NTRK2: variants seen among roughly 807,000 people sequenced by gnomAD.
NTRK2 encodes BDNF/NT-3 growth factors receptor.
NTRK2 carries 13 observed loss-of-function variants against 94.5 expected under a neutral mutation model. The ratio of observed to expected loss-of-function variants is 0.14; its 90% confidence interval spans 0.09 to 0.22. NTRK2 has a LOEUF of 0.22. Among genes scored for constraint, NTRK2 ranks in the 10% least tolerant of loss-of-function variants. The pLI is 1.00. For missense variants in NTRK2, 639 were observed against 1,071.2 expected (o/e 0.60, Z 5.63); for synonymous variants, 372 against 407.4 (o/e 0.91, Z 1.05).
chr9:84,959,086 TCTC>T (rs1470181806), intron 17 of NTRK2, among the ~76,000 whole-genome samples: 11 of 152,204 alleles, frequency 7.2e-5, no homozygotes, highest in Admixed American at 6.5e-4. Flanking sequence ...GGTAATGTGT[TCTC>T]CTTATGATTC....
intron 14 of NTRK2, among the ~76,000 whole-genome samples, chr9:84,916,777 G>T (rs1564461456): frequency 6.6e-6 from 1 of 152,194 alleles, no homozygotes; most frequent in Non-Finnish European, 1.5e-5. Context: ...TGCATATTAA[G>T]ATCCTAGGCT....
chr9:84,810,662 T>C, intron 12 of NTRK2: 1 of 1,609,586 alleles, frequency 6.2e-7, no homozygotes, highest in East Asian at 2.2e-5. Flanking sequence ...CTGGGACTGC[T>C]GTTGGCTTAT....
intron 14 of NTRK2, chr9:84,876,912 T>C: frequency 6.6e-6 from 7 of 1,061,532 alleles, no homozygotes; most frequent in Non-Finnish European, 8.0e-6. Flanking sequence ...ACATGTGAGA[T>C]TTTTGATTTC....
At chr9:84,699,656 T>A (rs1038054773) in intron 2 of NTRK2, among the ~76,000 whole-genome samples, 2 of 148,364 alleles carry the variant, frequency 1.3e-5, no homozygotes, top group African/African-American at 4.9e-5. Flanking sequence ...ATTAAGCTTA[T>A]GTGTGTGTTT....
chr9:84,883,516 A>T (rs1330642793), intron 14 of NTRK2, among the ~76,000 whole-genome samples: 2 of 152,204 alleles, frequency 1.3e-5, no homozygotes, highest in Non-Finnish European at 2.9e-5. Context: ...CATTCTAATG[A>T]CAAGCGCAAT....
At chr9:84,684,043 G>GT (rs35529520) in intron 2 of NTRK2, among the ~76,000 whole-genome samples, 85,861 of 150,892 alleles carry the variant, frequency 0.57, 24,467 homozygotes, top group Admixed American at 0.62. Flanking sequence ...TTTTTTATGG[G>GT]TTTTTTTTTC....
intron 9 of NTRK2, among the ~76,000 whole-genome samples, chr9:84,734,387 C>G (rs1437145497): frequency 6.6e-6 from 1 of 152,174 alleles, no homozygotes; most frequent in Non-Finnish European, 1.5e-5. Context: ...CCCAGAAATG[C>G]TTTTATCTCA....
chr9:84,677,972 A>G (rs1187552464), intron 2 of NTRK2, among the ~76,000 whole-genome samples: 1 of 152,214 alleles, frequency 6.6e-6, no homozygotes, highest in Non-Finnish European at 1.5e-5. Context: ...TTTATGTCAA[A>G]TAAGGACAAA....
intron 2 of NTRK2, among the ~76,000 whole-genome samples, chr9:84,678,411 G>C (rs553153005): frequency 6.6e-6 from 1 of 152,270 alleles, no homozygotes; most frequent in South Asian, 2.1e-4. Context: ...CGGAATTTTG[G>C]TTTCAACCTC....
chr9:84,682,637 C>T (rs2059459749), intron 2 of NTRK2, among the ~76,000 whole-genome samples: 1 of 152,122 alleles, frequency 6.6e-6, no homozygotes, highest in East Asian at 1.9e-4. Context: ...GTACTCCCAC[C>T]CTCTAAAATC....
At chr9:84,974,394 G>A (rs1826552854) in intron 17 of NTRK2, among the ~76,000 whole-genome samples, 1 of 152,144 alleles carries the variant, frequency 6.6e-6, no homozygotes, top group Non-Finnish European at 1.5e-5. Context: ...TTGGTGGTGT[G>A]CAAAGTAAGT....
intron 12 of NTRK2, among the ~76,000 whole-genome samples, chr9:84,766,005 A>C (rs1046320241): frequency 1.3e-5 from 2 of 152,192 alleles, no homozygotes; most frequent in Admixed American, 1.3e-4. Flanking sequence ...CAAATTTAAA[A>C]CTGAACAGAA....
intron 14 of NTRK2, among the ~76,000 whole-genome samples, chr9:84,926,169 C>CTTGCTTTCTTTCTTTCTTT (rs2077789303): frequency 5.2e-5 from 2 of 38,514 alleles, no homozygotes; most frequent in African/African-American, 1.8e-4. Flanking sequence ...TTCCTTCCTT[C>CTTGCTTTCTTTCTTTCTTT]CTTTCTTTCT....
intron 17 of NTRK2, among the ~76,000 whole-genome samples, chr9:84,996,311 A>G (rs949414010): frequency 6.6e-6 from 1 of 152,202 alleles, no homozygotes; most frequent in Admixed American, 6.5e-5. Context: ...GACCTCCATT[A>G]TTGGTTCTTA....
intron 12 of NTRK2, among the ~76,000 whole-genome samples, chr9:84,841,033 G>C (rs1219936433): frequency 6.6e-6 from 1 of 152,170 alleles, no homozygotes; most frequent in African/African-American, 2.4e-5. Context: ...CTGTTGCTGA[G>C]CCCTGAAGCT....
In NTRK2 at chr9:85,021,763, T is replaced by G; in HGVS notation, c.*326T>G. 2.3e-6 allele frequency: 1 copy of G among 426,680 alleles called. No individual in the cohort carries two copies. Among genetic ancestry groups the G allele is most frequent in the Non-Finnish European group, 4.3e-6 (1 of 231,948 alleles). The allele number at this position is 426,680 out of a possible 1,614,324, so 26.4% of individuals were successfully genotyped here. A position where few individuals can be genotyped will look rare whatever the true frequency, so the allele number is the denominator to read the frequency against. On this transcript the variant is annotated 3_prime_UTR_variant, in exon 19 of 19. Coordinates refer to ENST00000277120, the MANE Select transcript of NTRK2 (RefSeq NM_006180.6). ...CCCTTTCTTTTGAATCAATCTGGCT[T>G]CTGCATTACTATTAACTCTGCATAG...
chr9:84,766,318 G>C (rs547209413), intron 12 of NTRK2, among the ~76,000 whole-genome samples: 1 of 152,238 alleles, frequency 6.6e-6, no homozygotes, highest in African/African-American at 2.4e-5. Flanking sequence ...CTGGGGAGGA[G>C]AGCAGAGAGG....
At chr9:84,888,012 A>G (rs2076470381) in intron 14 of NTRK2, among the ~76,000 whole-genome samples, 1 of 152,224 alleles carries the variant, frequency 6.6e-6, no homozygotes, top group South Asian at 2.1e-4. Flanking sequence ...TTTTAAAGGT[A>G]CACAACGTCT....
chr9:84,748,718 T>C (rs1478955973), intron 11 of NTRK2, among the ~76,000 whole-genome samples: 3 of 152,226 alleles, frequency 2.0e-5, no homozygotes, highest in Non-Finnish European at 4.4e-5. Flanking sequence ...TTTATTTAGG[T>C]ATTCTCCATC....
Sources: allele counts gnomAD v4.1 joint callset (sites outside exome capture counted in the v4.1 genomes callset), GRCh38; gene constraint gnomAD v4.1.1; transcripts MANE v1.5; gene names NCBI Gene and HGNC (gene_info 2026-07-23, HGNC 2026-07-21).